GCKR: variants seen among roughly 807,000 people sequenced by gnomAD.
The protein encoded by GCKR is glucokinase regulator.
In GCKR, 73 loss-of-function variants were observed where a neutral mutation model predicts 82.9. The observed-to-expected ratio is 0.88, with a 90% CI of 0.73 to 1.07. The LOEUF (loss-of-function observed/expected upper bound fraction) is 1.07, where lower values mean the gene tolerates loss of function less well. Among genes scored for constraint, GCKR ranks in the 50% least tolerant of loss-of-function variants. The pLI, the probability that GCKR is intolerant of heterozygous loss-of-function variation, is 0.00. For synonymous variants in GCKR, 294 were observed against 291.8 expected (o/e 1.01, Z -0.08); for missense variants, 784 against 782.1 (o/e 1.00, Z -0.03).
chr2:27,512,126 C>G (rs13394224), intron 16 of GCKR, among the ~76,000 whole-genome samples: 1 of 150,158 alleles, frequency 6.7e-6, no homozygotes, highest in Non-Finnish European at 1.5e-5. Context: ...GTAATCACAA[C>G]TACTCAGGAG....
At chr2:27,507,079 C>G (rs1322812653) in intron 12 of GCKR, among the ~76,000 whole-genome samples, 156 bp from the exon 13 acceptor site, 2 of 152,122 alleles carry the variant, frequency 1.3e-5, no homozygotes, top group Non-Finnish European at 2.9e-5. Context: ...CAGCTCCCAC[C>G]CCTGTGCTTA....
intron 13 of GCKR, 73 bp downstream of exon 13, chr2:27,507,384 C>A: frequency 1.0e-6 from 1 of 958,012 alleles, no homozygotes; most frequent in Non-Finnish European, 1.7e-6. Flanking sequence ...AAGGGGAAGG[C>A]GGAGCTAGGT....
At chr2:27,516,504 A>C (rs1369162772) in intron 16 of GCKR, among the ~76,000 whole-genome samples, 1 of 149,988 alleles carries the variant, frequency 6.7e-6, no homozygotes, top group Non-Finnish European at 1.5e-5. Flanking sequence ...CCTGTTGGCC[A>C]GGCTGGTCTC....
At position 27,505,122 on chromosome 2, in the gene GCKR, T is replaced by A. The variant is rs1219164337; in HGVS notation, c.751-596T>A. On this transcript the variant is annotated intron_variant, in intron 9 of 18. Transcript: ENST00000264717. ...GCCTGGGTGGCAGAGTGAGACTCCA[T>A]CTCAAAAAAAAAAAAAAAAAAAAAA... 4.6e-4 allele frequency among the ~76,000 whole-genome samples: 17 copies of A among 36,636 alleles called. No individual in the cohort carries two copies. In the South Asian group the frequency reaches 6.2e-3, roughly 13 times the overall value. The allele number at this position is 36,636 out of a possible 152,430, so 24.0% of individuals were successfully genotyped here.
chr2:27,512,317 C>G (rs1199561347), intron 16 of GCKR, among the ~76,000 whole-genome samples: 1 of 148,066 alleles, frequency 6.8e-6, no homozygotes, highest in African/African-American at 2.5e-5. Context: ...GTGGGTGGAT[C>G]ACAAGGTCAA....
chr2:27,502,961 G>T (rs1669621947), intron 8 of GCKR, among the ~76,000 whole-genome samples: 1 of 152,180 alleles, frequency 6.6e-6, no homozygotes, highest in Non-Finnish European at 1.5e-5. Context: ...CTTGCCTCAT[G>T]AACACATTTA....
At chr2:27,501,576 A>G in intron 8 of GCKR, 2 of 401,116 alleles carry the variant, frequency 5.0e-6, no homozygotes, top group Non-Finnish European at 9.9e-6. Flanking sequence ...GTGCTTTCAT[A>G]TGGGGGTGAG....
intron 16 of GCKR, among the ~76,000 whole-genome samples, chr2:27,509,977 C>T (rs185737315): frequency 2.2e-3 from 334 of 150,590 alleles, no homozygotes; most frequent in Non-Finnish European, 3.5e-3. Flanking sequence ...TTTATCATGC[C>T]GGGACATGTT....
chr2:27,501,393 G>T (rs1378592151), intron 8 of GCKR, among the ~76,000 whole-genome samples, 164 bp downstream of exon 8: 1 of 152,338 alleles, frequency 6.6e-6, no homozygotes, highest in Non-Finnish European at 1.5e-5. Context: ...TTTTTTGTTT[G>T]TTGGTTGGTT....
rs1221830362 is a variant in GCKR, at chr2:27,497,388, T to TC, written c.207dup (p.Thr70HisfsTer53). 1 of 1,613,646 alleles carries TC rather than the reference T, an allele frequency of 6.2e-7. No individual in the cohort carries two copies. Among genetic ancestry groups the TC allele is most frequent in the Non-Finnish European group, 8.5e-7 (1 of 1,180,036 alleles). On this transcript the variant is annotated frameshift_variant, in exon 2 of 19. Transcript: ENST00000264717. LOFTEE classifies it high-confidence loss of function. ...CTTCCAGGAGGAGGGGCAAGCCCTG[T>TC]CCACATACCAGGTAACCAAGACCCA...
chr2:27,512,570 T>C (rs537412943), intron 16 of GCKR, among the ~76,000 whole-genome samples: 27 of 151,752 alleles, frequency 1.8e-4, no homozygotes, highest in Non-Finnish European at 3.5e-4. Flanking sequence ...TGGAGATGCC[T>C]GATATGTTAT....
At chr2:27,510,141 T>G (rs1016291475) in intron 16 of GCKR, among the ~76,000 whole-genome samples, 27 of 152,092 alleles carry the variant, frequency 1.8e-4, no homozygotes, top group Admixed American at 5.2e-4. Context: ...CCTGAGCAGC[T>G]GGGACTACAG....
rs367936293 is a variant in GCKR at position 27,506,547 on chromosome 2, G to C, written c.936G>C (p.Lys312Asn). Residue 312 changes from lysine (K) to asparagine (N), a missense_variant, in exon 11 of 19, where the codon AAG becomes AAC. Lys to Asn is a moderately conservative substitution (Grantham distance 94). Transcript: ENST00000264717. ...AGGTGACCTACAGCCAAAGCCCCAA[G>C]ATTGCCACCCTGATGAAGAGTGTCA... Reference protein sequence around the residue: ...AHQVTYSQSPKIATLMKSVST... With the variant: ...AHQVTYSQSPNIATLMKSVST... 1.9e-6 allele frequency: 3 copies of C among 1,613,414 alleles called. No individual in the cohort carries two copies. The African/African-American group carries it at 4.0e-5, about 22-fold the overall frequency.
chr2:27,501,182 T>G lies in GCKR; in HGVS notation c.597T>G (p.Ala199=). 2 of 1,614,130 alleles carry G rather than the reference T, an allele frequency of 1.2e-6. No homozygotes were observed. The change falls in exon 8 of 19, where the codon GCT becomes GCG. Residue 199 remains alanine, a synonymous_variant. Transcript: ENST00000264717. ...TGGACTGCTGCATGAACAACACAGC[T>G]GTCTTCTTGCCAGTCCTGGTTGGCT... The part of the protein sequence containing the change: ...GQMDCCMNNT[A]VFLPVLVGFN...
rs1669469610 is a variant in GCKR, at chr2:27,498,295, C to T, written c.326C>T (p.Thr109Ile). 12 of 1,613,822 alleles carry T rather than the reference C, an allele frequency of 7.4e-6. No individual in the cohort carries two copies. The highest frequency in any genetic ancestry group is 1.3e-5 in the African/African-American group (1 of 75,018). ...GGLVVLSGGGTSGRMAFLMSV... is the reference protein window; with the variant it reads ...GGLVVLSGGGISGRMAFLMSV... ...CTGGTTGTGCTGAGTGGAGGGGGCA[C>T]CTCTGGCCGGATGGCATTCCTCATG... Residue 109 changes from threonine (T) to isoleucine (I), a missense_variant, in exon 4 of 19, where the codon ACC becomes ATC. Physicochemically the swap from Thr to Ile is moderately conservative, Grantham distance 89. Transcript: ENST00000264717.
chr2:27,507,987 G>A lies in GCKR; in HGVS notation c.1251G>A (p.Thr417=), dbSNP rs142376844. 9 of 1,611,288 alleles carry A rather than the reference G, an allele frequency of 5.6e-6. No homozygotes were observed. The highest frequency in any genetic ancestry group is 1.6e-4 in the Middle Eastern group (1 of 6,076). ...CTCCCCTTCTCCTAGACAACCTCAC[G>A]GAGGTGCAGACTATAGTGGAGCAGG... ...VFIFTLDDNL[T]EVQTIVEQVK... The change falls in exon 15 of 19, where the codon ACG becomes ACA. Residue 417 remains threonine, a synonymous_variant. Coordinates refer to ENST00000264717, the MANE Select transcript of GCKR (RefSeq NM_001486.4).
At chr2:27,502,356 C>A (rs1439112505) in intron 8 of GCKR, among the ~76,000 whole-genome samples, 1 of 152,186 alleles carries the variant, frequency 6.6e-6, no homozygotes, top group Non-Finnish European at 1.5e-5. Context: ...GCGTGGAGAT[C>A]TTCCAGTTGT....
chr2:27,519,040 C>T (rs765569732), intron 17 of GCKR, 103 bp downstream of exon 17: 18 of 1,030,738 alleles, frequency 1.7e-5, no homozygotes, highest in African/African-American at 3.1e-5. Flanking sequence ...AGGGTACAGG[C>T]TGCCTTTTCT....
intron 8 of GCKR, among the ~76,000 whole-genome samples, chr2:27,503,071 G>T (rs1669625404): frequency 1.3e-5 from 2 of 152,250 alleles, no homozygotes; most frequent in African/African-American, 4.8e-5. Flanking sequence ...GGTACTGAGG[G>T]TTCACTCTTT....
Sources: gnomAD v4.1 joint callset for allele counts (sites outside exome capture counted in the v4.1 genomes callset) on GRCh38, gnomAD v4.1.1 for gene constraint, MANE v1.5 for transcripts, NCBI Gene and HGNC (gene_info 2026-07-23, HGNC 2026-07-21) for gene names.